Variants in BEND3 observed in about 807,000 individuals in gnomAD.
BEND3 encodes BEN domain-containing protein 3.
In BEND3, 13 loss-of-function variants were observed where a neutral mutation model predicts 60.1. The ratio of observed to expected loss-of-function variants is 0.22; its 90% confidence interval spans 0.14 to 0.34. The LOEUF (loss-of-function observed/expected upper bound fraction) is 0.34. Ranked by LOEUF, BEND3 falls within the 10% of genes least tolerant of loss-of-function variation. The pLI is 1.00. For missense variants in BEND3, 896 were observed against 1,138.1 expected (o/e 0.79, Z 3.06); for synonymous variants, 497 against 491.5 (o/e 1.01, Z -0.15).
At position 107,105,529 on chromosome 6, in the gene BEND3, G is replaced by A. The variant is rs553999477; in HGVS notation, c.-11-6233C>T. Among the ~76,000 whole-genome samples, 25 of 152,220 alleles carry A rather than the reference G, an allele frequency of 1.6e-4. No individual in the cohort carries two copies. In the East Asian group the frequency reaches 2.5e-3, roughly 15 times the overall value. ...ACCCATAGGCGGCTGGGAGTGGCCCGGGGTACCTTTCTATCAAGTTCTTTG... is the reference window on the plus strand; with the variant it reads ...ACCCATAGGCGGCTGGGAGTGGCCCAGGGTACCTTTCTATCAAGTTCTTTG... On this transcript the variant is annotated intron_variant, in intron 1 of 3. Coordinates refer to ENST00000369042, the MANE Select transcript of BEND3 (RefSeq NM_001367314.1).
intron 1 of BEND3, among the ~76,000 whole-genome samples, chr6:107,105,085 A>C (rs1554237217): frequency 5.3e-5 from 8 of 151,944 alleles, no homozygotes; most frequent in Non-Finnish European, 2.9e-5. Context: ...TAAAAAGTCC[A>C]CTGTTGGCTG....
At chr6:107,072,845 T>C (rs1204241621) in intron 3 of BEND3, among the ~76,000 whole-genome samples, 1 of 151,960 alleles carries the variant, frequency 6.6e-6, no homozygotes, top group Non-Finnish European at 1.5e-5. Flanking sequence ...AAAATTAGCC[T>C]GGCACAGTAG....
At position 107,069,597 on chromosome 6, in the gene BEND3, C is replaced by T. The variant is rs144009111; in HGVS notation, c.1594G>A (p.Val532Met). 7 of 1,612,664 alleles carry T rather than the reference C, an allele frequency of 4.3e-6. No individual in the cohort carries two copies. Among genetic ancestry groups the T allele is most frequent in the East Asian group, 2.2e-5 (1 of 44,882 alleles). Reference sequence around the variant, plus strand: ...TCTAACTTGTCGAAGTCGATGGGCACCAGCCAGATCTTCTTGGAGCGGCGA... The same window carrying T: ...TCTAACTTGTCGAAGTCGATGGGCATCAGCCAGATCTTCTTGGAGCGGCGA... ...PGRRSKKIWL[V>M]PIDFDKLEIP... Residue 532 changes from valine (V) to methionine (M), a missense_variant, in exon 4 of 4, where the codon GTG (valine) becomes ATG (methionine). Physicochemically the swap from Val to Met is conservative, Grantham distance 21. Transcript: ENST00000369042.
chr6:107,070,061 G>T lies in BEND3; in HGVS notation c.1130C>A (p.Ala377Asp), dbSNP rs782187458. 5 of 1,613,566 alleles carry T rather than the reference G, an allele frequency of 3.1e-6. No homozygotes were observed. In the Admixed American group the frequency reaches 8.3e-5, roughly 27 times the overall value. Reference protein sequence around the residue: ...HFLDNKDQEEALSLDRSSTIA... With the variant: ...HFLDNKDQEEDLSLDRSSTIA... ...GGTGCTGCTCCGGTCAAGAGACAGG[G>T]CCTCCTCCTGGTCTTTGTTGTCCAG... The change falls in exon 4 of 4, where the codon GCC becomes GAC. Residue 377 changes from alanine (A) to aspartate (D), a missense_variant. Ala to Asp is a moderately radical substitution (Grantham distance 126, BLOSUM62 -2). Transcript: ENST00000369042. The surrounding 1 kb of genome is among the most constrained non-coding windows in gnomAD (Gnocchi z 6.9).
chr6:107,107,098 G>C (rs375111732), intron 1 of BEND3, among the ~76,000 whole-genome samples: 22 of 152,014 alleles, frequency 1.4e-4, no homozygotes, highest in African/African-American at 4.8e-4. Context: ...CACCACATCC[G>C]GCTAATTTTT....
chr6:107,088,411 T>C (rs971153027), intron 3 of BEND3, among the ~76,000 whole-genome samples: 5 of 151,868 alleles, frequency 3.3e-5, no homozygotes. Flanking sequence ...ACAGAAGAAA[T>C]ATTTGAAACC....
At chr6:107,102,176 C>G (rs1775714869) in intron 1 of BEND3, among the ~76,000 whole-genome samples, 1 of 152,118 alleles carries the variant, frequency 6.6e-6, no homozygotes, top group East Asian at 1.9e-4. Flanking sequence ...GTGAGAAGGG[C>G]AGTCTATTTA....
chr6:107,080,191 G>A (rs1365246841), intron 3 of BEND3, among the ~76,000 whole-genome samples: 2 of 151,952 alleles, frequency 1.3e-5, no homozygotes, highest in East Asian at 3.9e-4. Context: ...GAGCCCAGTA[G>A]TTGGAGACCA....
intron 3 of BEND3, among the ~76,000 whole-genome samples, chr6:107,093,852 A>T (rs1310220317): frequency 6.6e-6 from 1 of 152,362 alleles, no homozygotes; most frequent in East Asian, 1.9e-4. Flanking sequence ...TTTAGATATG[A>T]TACCAAAGCC....
At chr6:107,086,607 C>T (rs1382416582) in intron 3 of BEND3, among the ~76,000 whole-genome samples, 4 of 151,228 alleles carry the variant, frequency 2.6e-5, no homozygotes, top group Non-Finnish European at 4.4e-5. Flanking sequence ...AGCAAGACTC[C>T]GTCTTAAAAA....
chr6:107,098,531 G>A lies in BEND3; in HGVS notation c.240+20C>T, dbSNP rs781928504. The stretch of plus-strand genomic sequence containing the variant: ...GAGGGTTAGAGCCCAAGCAAAGAGT[G>A]ACAGCAGCTAGGCCCTCACCTCGGG... On this transcript the variant is annotated intron_variant, in intron 3 of 3. Coordinates refer to ENST00000369042, the MANE Select transcript of BEND3 (RefSeq NM_001367314.1). 7.5e-6 allele frequency: 12 copies of A among 1,608,972 alleles called. No homozygotes were observed. The highest frequency in any genetic ancestry group is 1.1e-5 in the South Asian group (1 of 90,948).
chr6:107,079,895 C>CTT (rs1428446611), intron 3 of BEND3, among the ~76,000 whole-genome samples: 8 of 144,002 alleles, frequency 5.6e-5, no homozygotes, highest in Admixed American at 3.5e-4. Flanking sequence ...TTCCTTTCTA[C>CTT]TTTTTTTTTT....
At chr6:107,104,188 G>A (rs1290359523) in intron 1 of BEND3, among the ~76,000 whole-genome samples, 2 of 151,554 alleles carry the variant, frequency 1.3e-5, no homozygotes, top group African/African-American at 4.8e-5. Context: ...TACTCGGGAG[G>A]CTGAGGCAGG....
At chr6:107,077,435 G>C (rs1775123603) in intron 3 of BEND3, among the ~76,000 whole-genome samples, 1 of 152,092 alleles carries the variant, frequency 6.6e-6, no homozygotes, top group South Asian at 2.1e-4. Context: ...CCCTCACTAA[G>C]TTCAGCATCA....
intron 3 of BEND3, among the ~76,000 whole-genome samples, chr6:107,082,558 C>G (rs1248250092): frequency 1.3e-5 from 2 of 152,150 alleles, no homozygotes; most frequent in Non-Finnish European, 2.9e-5. Flanking sequence ...CCTCAGCCTC[C>G]TGAGTAGCTG....
chr6:107,106,188 A>G (rs1775809041), intron 1 of BEND3: 1 of 152,164 alleles, frequency 6.6e-6, no homozygotes, highest in South Asian at 2.1e-4. Context: ...AGTAGTTAGT[A>G]TTCATGTGGC....
At chr6:107,114,150 C>T (rs1202171814) in intron 1 of BEND3, 1 of 152,284 alleles carries the variant, frequency 6.6e-6, no homozygotes, top group Non-Finnish European at 1.5e-5. Flanking sequence ...CGTAGGTAAA[C>T]AAGCACACAA....
At chr6:107,110,896 G>A (rs1000551399) in intron 1 of BEND3, among the ~76,000 whole-genome samples, 3 of 150,356 alleles carry the variant, frequency 2.0e-5, no homozygotes, top group Middle Eastern at 3.2e-3. Context: ...TCAGGCAGTG[G>A]CTCACACCTG....
Position 107,098,553 on chromosome 6 carries a change from C to G in BEND3, c.238G>C (p.Glu80Gln), listed in dbSNP as rs782375289. 1 of 1,611,968 alleles carries G rather than the reference C, an allele frequency of 6.2e-7. No individual in the cohort carries two copies. The highest frequency in any genetic ancestry group is 8.5e-7 in the Non-Finnish European group (1 of 1,180,002). The part of the protein sequence containing the change: ...PGVKRRRLIP[E>Q]ALLAGMRNRE... ...AGTGACAGCAGCTAGGCCCTCACCT[C>G]GGGGATCAGCCGCCTCCTCTTCACG... is the stretch of plus-strand genomic sequence containing the variant. The change falls in exon 3 of 4, where the codon GAG becomes CAG. Residue 80 changes from glutamate to glutamine, a missense_variant and splice_region_variant. This residue lies in a region of BEND3 where 846 missense variants were observed against 1,036.7 expected (regional missense o/e 0.82). Coordinates refer to ENST00000369042, the MANE Select transcript of BEND3 (RefSeq NM_001367314.1).
Sources: gnomAD v4.1 joint callset for allele counts (sites outside exome capture counted in the v4.1 genomes callset) on GRCh38, gnomAD v4.1.1 for gene constraint, gnomAD v4.1.1 regional missense constraint, Gnocchi (gnomAD v3.1) non-coding constraint, MANE v1.5 for transcripts, NCBI Gene and HGNC (gene_info 2026-07-23, HGNC 2026-07-21) for gene names.